ANKRD36: variants seen among roughly 807,000 people sequenced by gnomAD.
ANKRD36 encodes the protein ankyrin repeat domain 36.
A neutral mutation model predicts 278.1 loss-of-function variants in ANKRD36; 179 were observed. The ratio of observed to expected loss-of-function variants is 0.64; its 90% confidence interval spans 0.57 to 0.73. The LOEUF (loss-of-function observed/expected upper bound fraction) is 0.73, where lower values mean the gene tolerates loss of function less well. Ranked by LOEUF, ANKRD36 falls within the 30% of genes least tolerant of loss-of-function variation. The pLI is 0.00. For synonymous variants in ANKRD36, 320 were observed against 641.1 expected, an observed-to-expected ratio of 0.50 and a Z score of 7.57; for missense variants, 1,159 against 1,956.7, an observed-to-expected ratio of 0.59 and a Z score of 7.69.
chr2:97,132,803 C>T (rs531440423), intron 6 of ANKRD36, among the ~76,000 whole-genome samples: 7 of 152,104 alleles, frequency 4.6e-5, no homozygotes, highest in East Asian at 1.9e-4. Flanking sequence ...CACAAGCTTC[C>T]GGGAGCCCTC....
At chr2:97,202,543 G>A in intron 48 of ANKRD36, 150 bp downstream of exon 48, 2 of 1,310,652 alleles carry the variant, frequency 1.5e-6, no homozygotes, top group Non-Finnish European at 2.1e-6. Flanking sequence ...CTTGGGTGAT[G>A]CTGATGCTGC....
chr2:97,200,595 G>A (rs187315074), intron 46 of ANKRD36, 70 bp downstream of exon 46: 1,717 of 1,530,152 alleles, frequency 1.1e-3, no homozygotes, highest in Non-Finnish European at 1.4e-3. Flanking sequence ...GAATAAATCA[G>A]TCGGGGGCTG....
At chr2:97,200,022 C>G (rs1449399342) in intron 44 of ANKRD36, among the ~76,000 whole-genome samples, 1 of 151,864 alleles carries the variant, frequency 6.6e-6, no homozygotes. Flanking sequence ...TGAGTTGCTC[C>G]TCTGATTTTA....
chr2:97,232,857 TA>T (rs2072633011), intron 67 of ANKRD36, among the ~76,000 whole-genome samples: 1 of 152,002 alleles, frequency 6.6e-6, no homozygotes, highest in African/African-American at 2.4e-5. Context: ...ATGGATGAAA[TA>T]AAAGAAGACA....
rs368506104 is a variant in ANKRD36, at chr2:97,172,831, A to ATGTGTG, written c.1633+5086_1633+5091dup. Among the ~76,000 whole-genome samples the ATGTGTG allele has an allele frequency of 1.4e-3, 209 of 146,488 alleles. 1 individual carries two copies. The highest frequency in any genetic ancestry group is 2.7e-3 in the African/African-American group (106 of 39,492). On this transcript the variant is annotated intron_variant, in intron 22 of 75. Transcript: ENST00000420699. ...ATATTGCTCTGGTTTTTGTGTGTGA[A>ATGTGTG]TGTGTGTGTGTGTGTGTGTGTGTGT... is the stretch of plus-strand genomic sequence containing the variant.
rs1308354165 is a variant in ANKRD36 at position 97,187,140 on chromosome 2, G to A, written c.2042-58G>A. 6.9e-6 allele frequency: 11 copies of A among 1,603,822 alleles called. No individual in the cohort carries two copies. The South Asian group carries it at 1.1e-4, about 16-fold the overall frequency. ...AGCTTGATGCTAACACCGCATGAAT[G>A]TATGGAAAATGTATCATATTTACAT... On this transcript the variant is annotated intron_variant, in intron 30 of 75. Transcript: ENST00000420699.
At chr2:97,220,164 A>G (rs1205621623) in intron 66 of ANKRD36, among the ~76,000 whole-genome samples, 1 of 147,290 alleles carries the variant, frequency 6.8e-6, no homozygotes, top group Non-Finnish European at 1.5e-5. Context: ...AGTTTGATAC[A>G]GGCATACAAT....
chr2:97,248,440 A>G (rs1157537535), intron 72 of ANKRD36: 1 of 114,038 alleles, frequency 8.8e-6, no homozygotes, highest in Non-Finnish European at 1.5e-5. Context: ...TTCTCTCCTA[A>G]TGATGACCTG....
At chr2:97,146,684 T>C (rs1440364121) in intron 11 of ANKRD36, among the ~76,000 whole-genome samples, 168 bp downstream of exon 11, 3 of 151,968 alleles carry the variant, frequency 2.0e-5, no homozygotes, top group Non-Finnish European at 4.4e-5. Flanking sequence ...TGTGCTGTTA[T>C]TGCTTTTTTA....
chr2:97,197,521 A>G (rs1361721862), intron 42 of ANKRD36, among the ~76,000 whole-genome samples: 1 of 151,900 alleles, frequency 6.6e-6, no homozygotes, highest in Non-Finnish European at 1.5e-5. Flanking sequence ...AAATCTGAAT[A>G]CATTAGTTTC....
In ANKRD36 at chr2:97,207,986, A is replaced by G; in HGVS notation, c.3245A>G (p.Tyr1082Cys). Reference protein sequence around the residue: ...SVLNIARGKKYGEKTKRVSSR... With the variant: ...SVLNIARGKKCGEKTKRVSSR... ...TTGAATATAGCCAGAGGAAAAAAGT[A>G]TGGAGAAAAAACTAAGAGAGGTAAT... The change falls in exon 54 of 76, where the codon TAT (tyrosine) becomes TGT (cysteine). Residue 1082 changes from tyrosine (Y) to cysteine (C), a missense_variant. Physicochemically the swap from Tyr to Cys is radical, Grantham distance 194. Transcript: ENST00000420699. 7 of 1,522,790 alleles carry G rather than the reference A, an allele frequency of 4.6e-6. No individual in the cohort carries two copies. The highest frequency in any genetic ancestry group is 1.2e-5 in the South Asian group (1 of 83,184). 94.3% of individuals were successfully genotyped at this position (1,522,790 alleles called of 1,614,324 possible). A position where few individuals can be genotyped will look rare whatever the true frequency, so the allele number is the denominator to read the frequency against.
intron 6 of ANKRD36, among the ~76,000 whole-genome samples, chr2:97,136,072 AT>A (rs1178680824): frequency 8.6e-5 from 13 of 151,404 alleles, no homozygotes; most frequent in African/African-American, 2.9e-4. Flanking sequence ...TCAGGGTGTG[AT>A]TAGAGGGTTG....
chr2:97,220,776 T>TTTTTTTTTTTTATAA (rs2067363144), intron 66 of ANKRD36, among the ~76,000 whole-genome samples: 1 of 77,102 alleles, frequency 1.3e-5, no homozygotes, highest in African/African-American at 1.6e-4. Context: ...TTTTTTTTAA[T>TTTTTTTTTTTTATAA]TTTTTTTTTT....
intron 6 of ANKRD36, among the ~76,000 whole-genome samples, chr2:97,127,541 A>G (rs1443265678): frequency 6.6e-6 from 1 of 151,896 alleles, no homozygotes; most frequent in African/African-American, 2.4e-5. Flanking sequence ...TGGCCCTTGA[A>G]CAACATGGGA....
intron 20 of ANKRD36, among the ~76,000 whole-genome samples, chr2:97,167,344 G>T (rs1476954779): frequency 6.6e-6 from 1 of 152,010 alleles, no homozygotes; most frequent in Middle Eastern, 3.2e-3. Flanking sequence ...GTTCTTGGGT[G>T]ATTTTCTTCA....
intron 28 of ANKRD36, among the ~76,000 whole-genome samples, chr2:97,184,800 C>G (rs1483005652): frequency 3.3e-5 from 5 of 151,764 alleles, no homozygotes. Flanking sequence ...CCAAGCTGAT[C>G]AATTTAGATC....
chr2:97,154,105 G>A (rs1326653741), intron 14 of ANKRD36, among the ~76,000 whole-genome samples: 1 of 147,276 alleles, frequency 6.8e-6, no homozygotes, highest in African/African-American at 2.4e-5. Context: ...CATTTGCAGT[G>A]TTTCAGGGGG....
intron 75 of ANKRD36, among the ~76,000 whole-genome samples, chr2:97,260,379 T>TATATATATATATATACAC (rs1315601255): frequency 5.8e-5 from 7 of 121,238 alleles, no homozygotes; most frequent in African/African-American, 2.3e-4. Flanking sequence ...TATATATATA[T>TATATATATATATATACAC]ACACACATAT....
In ANKRD36 at chr2:97,198,620, T is replaced by G. The variant is rs1321117923; in HGVS notation, c.2717T>G (p.Ile906Arg). Residue 906 changes from isoleucine (I) to arginine (R), a missense_variant, in exon 44 of 76, where the codon ATA (isoleucine) becomes AGA (arginine). Ile to Arg is a moderately conservative substitution (Grantham distance 97, BLOSUM62 -3). Transcript: ENST00000420699. ...SSAEKDSVLN[I>R]ARGKKDGEKT... ...GCCGAGAAAGATTCTGTTTTGAATA[T>G]AGCCAGAGGAAAAAAGGATGGAGAA... 22 of 1,545,224 alleles carry G rather than the reference T, an allele frequency of 1.4e-5. No individual in the cohort carries two copies. The Admixed American group carries it at 2.4e-4, about 17-fold the overall frequency.
Sources: allele counts gnomAD v4.1 joint callset (sites outside exome capture counted in the v4.1 genomes callset), GRCh38; gene constraint gnomAD v4.1.1; transcripts MANE v1.5; gene names NCBI Gene and HGNC (gene_info 2026-07-23, HGNC 2026-07-21).